Variants in DCC observed in about 807,000 individuals in gnomAD.
The protein encoded by DCC is netrin receptor DCC.
In DCC, 58 loss-of-function variants were observed where a neutral mutation model predicts 172.5. That is an observed-to-expected ratio of 0.34 (90% CI 0.27 to 0.42). DCC has a LOEUF of 0.42. DCC is among the 10% of genes least tolerant of loss of function. The pLI, the probability that DCC is intolerant of heterozygous loss-of-function variation, is 1.00. For missense variants in DCC, 1,740 were observed against 1,791.0 expected (o/e 0.97, Z 0.51); for synonymous variants, 709 against 644.5 (o/e 1.10, Z -1.52).
At chr18:52,416,042 G>A (rs1402348630) in intron 1 of DCC, among the ~76,000 whole-genome samples, 1 of 151,850 alleles carries the variant, frequency 6.6e-6, no homozygotes, top group Admixed American at 6.6e-5. Flanking sequence ...ACACTGCTTT[G>A]AATGTGTCCC....
At chr18:53,000,525 T>C (rs572960338) in intron 5 of DCC, among the ~76,000 whole-genome samples, 2 of 151,436 alleles carry the variant, frequency 1.3e-5, no homozygotes, top group South Asian at 2.1e-4. Flanking sequence ...GTCTAAGACC[T>C]AGGAATGATC....
rs1200827231 is a variant in DCC, at chr18:52,927,109, G to A, written c.985+1739G>A. 2.4e-5 allele frequency among the ~76,000 whole-genome samples: 2 copies of A among 84,950 alleles called. 1 individual carries two copies. Among genetic ancestry groups the A allele is most frequent in the Non-Finnish European group, 5.2e-5 (2 of 38,760 alleles). The allele number at this position is 84,950 out of a possible 152,430, so 55.7% of individuals were successfully genotyped here. A position where few individuals can be genotyped will look rare whatever the true frequency, so the allele number is the denominator to read the frequency against. On this transcript the variant is annotated intron_variant, in intron 5 of 28. Coordinates refer to ENST00000442544, the MANE Select transcript of DCC (RefSeq NM_005215.4). ...TACACGTATATACGTGTATATACACGTATATACGTGTATATACACGTATAT... is the reference window on the plus strand; with the variant it reads ...TACACGTATATACGTGTATATACACATATATACGTGTATATACACGTATAT...
chr18:53,385,300 A>G (rs868185792), intron 15 of DCC, among the ~76,000 whole-genome samples: 1 of 152,184 alleles, frequency 6.6e-6, no homozygotes, highest in African/African-American at 2.4e-5. Flanking sequence ...TGTTGTAAAC[A>G]AATAAACAGA....
chr18:52,448,908 T>C (rs1010421326), intron 1 of DCC, among the ~76,000 whole-genome samples: 6 of 152,260 alleles, frequency 3.9e-5, no homozygotes, highest in African/African-American at 1.2e-4. Context: ...TTTGCTAGTT[T>C]CTTTCCTTAG....
At chr18:53,429,019 ATTTTTT>A (rs1911379073) in intron 21 of DCC, among the ~76,000 whole-genome samples, 2 of 58,042 alleles carry the variant, frequency 3.4e-5, no homozygotes, top group South Asian at 8.8e-4. Flanking sequence ...TATTTTATAT[ATTTTTT>A]ATATAATATA....
intron 10 of DCC, among the ~76,000 whole-genome samples, chr18:53,206,316 TATATGTATTGTA>T (rs1477788909): frequency 8.7e-5 from 8 of 92,336 alleles, no homozygotes; most frequent in Admixed American, 2.6e-4. Flanking sequence ...CATATATACA[TATATGTATTGTA>T]ACACATATAT....
At chr18:52,359,046 T>A (rs1293324004) in intron 1 of DCC, among the ~76,000 whole-genome samples, 1 of 152,218 alleles carries the variant, frequency 6.6e-6, no homozygotes, top group Non-Finnish European at 1.5e-5. Context: ...TACATATGAC[T>A]TAGATTCAGT....
chr18:53,486,503 A>G (rs2045901419), intron 25 of DCC, among the ~76,000 whole-genome samples: 1 of 152,186 alleles, frequency 6.6e-6, no homozygotes, highest in Non-Finnish European at 1.5e-5. Flanking sequence ...AAACAACATG[A>G]CCGACATAAA....
intron 7 of DCC, among the ~76,000 whole-genome samples, chr18:53,118,482 AC>A (rs1202231034): frequency 3.3e-5 from 5 of 151,720 alleles, no homozygotes; most frequent in African/African-American, 4.8e-5. Flanking sequence ...CACTTGTTTC[AC>A]TGACGATTGC....
chr18:53,322,100 G>A lies in DCC; in HGVS notation c.2107G>A (p.Gly703Ser), dbSNP rs2057417983. ...SFQVSAMTVN[G>S]TGPPSNWYTA... ...CCAGGTGTCAGCCATGACAGTCAAT[G>A]GTACTGGACCACCTTCCAACTGGTA... The change falls in exon 14 of 29, where the codon GGT (glycine) becomes AGT (serine). Residue 703 changes from glycine (G) to serine (S), a missense_variant. Transcript: ENST00000442544. The A allele has an allele frequency of 6.2e-7, 1 of 1,610,182 alleles. No homozygotes were observed. Among genetic ancestry groups the A allele is most frequent in the Non-Finnish European group, 8.5e-7 (1 of 1,176,402 alleles).
intron 7 of DCC, among the ~76,000 whole-genome samples, chr18:53,078,900 C>T (rs2042760331): frequency 6.6e-6 from 1 of 152,064 alleles, no homozygotes; most frequent in South Asian, 2.1e-4. Context: ...CAAGAAAAGT[C>T]CAACAGAAAA....
chr18:52,587,764 G>T (rs2033709041), intron 1 of DCC, among the ~76,000 whole-genome samples: 1 of 152,166 alleles, frequency 6.6e-6, no homozygotes, highest in Non-Finnish European at 1.5e-5. Flanking sequence ...TTTGGGTGGT[G>T]CCTGTGTGTC....
At chr18:52,591,423 T>C (rs2144797995) in intron 1 of DCC, among the ~76,000 whole-genome samples, 1 of 152,272 alleles carries the variant, frequency 6.6e-6, no homozygotes, top group South Asian at 2.1e-4. Context: ...CAAAACATAA[T>C]TCTTATGGGT....
rs139284891 is a variant in DCC at position 53,007,889 on chromosome 18, C to T, written c.986-55416C>T. ...CCATTCAACTTTGTGACCTAAAAAC[C>T]GCCTTTGGGCTCATTCAAATGCTGG... On this transcript the variant is annotated intron_variant, in intron 5 of 28. Coordinates refer to ENST00000442544, the MANE Select transcript of DCC (RefSeq NM_005215.4). Among the ~76,000 whole-genome samples, 16 of 152,092 alleles carry T rather than the reference C, an allele frequency of 1.1e-4. 1 individual carries two copies. Among genetic ancestry groups the T allele is most frequent in the African/African-American group, 2.6e-4 (11 of 41,516 alleles).
intron 1 of DCC, among the ~76,000 whole-genome samples, chr18:52,511,077 C>G (rs1403558385): frequency 1.3e-5 from 2 of 151,876 alleles, no homozygotes; most frequent in South Asian, 4.1e-4. Flanking sequence ...ATCAGGAGAT[C>G]GAAACTATCC....
intron 1 of DCC, among the ~76,000 whole-genome samples, chr18:52,573,172 A>G (rs1240309791): frequency 6.6e-6 from 1 of 152,196 alleles, no homozygotes; most frequent in Non-Finnish European, 1.5e-5. Context: ...AAATGTAATA[A>G]ATCTTGTATG....
chr18:52,648,336 G>T (rs1396127204), intron 1 of DCC, among the ~76,000 whole-genome samples: 1 of 152,242 alleles, frequency 6.6e-6, no homozygotes, highest in Admixed American at 6.5e-5. Flanking sequence ...TTAAACACAA[G>T]CACAGGCTTG....
At chr18:53,160,474 T>C (rs4264463) in intron 8 of DCC, among the ~76,000 whole-genome samples, 58,998 of 152,020 alleles carry the variant, frequency 0.39, 12,613 homozygotes, top group East Asian at 0.71. Context: ...CTTGCATCAA[T>C]GTTTTGCCTG....
intron 22 of DCC, among the ~76,000 whole-genome samples, chr18:53,449,682 G>A (rs536079309): frequency 5.1e-4 from 78 of 152,268 alleles, no homozygotes; most frequent in African/African-American, 1.8e-3. Flanking sequence ...ATGGTACAAA[G>A]TAGCATCTCT....
Sources: gnomAD v4.1 joint callset for allele counts (sites outside exome capture counted in the v4.1 genomes callset) on GRCh38, gnomAD v4.1.1 for gene constraint, MANE v1.5 for transcripts, NCBI Gene and HGNC (gene_info 2026-07-23, HGNC 2026-07-21) for gene names.